The following EDEM2 variants were observed in gnomAD, a reference collection of about 807,000 sequenced individuals.
EDEM2 encodes the protein ER degradation enhancing alpha-mannosidase like protein 2.
Under a neutral mutation model 64.8 loss-of-function variants are expected in EDEM2, and 39 were observed. That is an observed-to-expected ratio of 0.60 (90% CI 0.47 to 0.79). EDEM2 has a LOEUF of 0.79. Ranked by LOEUF, EDEM2 falls within the 30% of genes least tolerant of loss-of-function variation. The probability of loss-of-function intolerance (pLI) is 0.00; values close to 1 mark genes in which losing one functional copy is unlikely to be tolerated. For missense variants in EDEM2, 609 were observed against 731.3 expected (o/e 0.83, Z 1.93); for synonymous variants, 296 against 291.5 (o/e 1.02, Z -0.16).
chr20:35,135,968 G>A (rs992726859), intron 5 of EDEM2, among the ~76,000 whole-genome samples: 4 of 152,152 alleles, frequency 2.6e-5, no homozygotes, highest in African/African-American at 4.8e-5. Flanking sequence ...GGTTCAAGAC[G>A]AGAACTGGAC....
chr20:35,121,382 C>T (rs1454272269), intron 9 of EDEM2, among the ~76,000 whole-genome samples: 5 of 152,158 alleles, frequency 3.3e-5, no homozygotes, highest in Admixed American at 3.3e-4. Flanking sequence ...ACGTCTAATG[C>T]CACCACGGAT....
At chr20:35,143,689 G>T (rs2085688886) in intron 3 of EDEM2, among the ~76,000 whole-genome samples, 1 of 152,152 alleles carries the variant, frequency 6.6e-6, no homozygotes, top group Non-Finnish European at 1.5e-5. Context: ...CATCCCTCTA[G>T]CTGTGGAGTG....
At chr20:35,126,459 C>G in intron 7 of EDEM2, 84 bp from the exon 8 acceptor site, 1 of 1,522,894 alleles carries the variant, frequency 6.6e-7, no homozygotes, top group Non-Finnish European at 8.9e-7. Context: ...CGAGAACTTA[C>G]ACTTTGGAAA....
In EDEM2 at chr20:35,147,142, C is replaced by T; in HGVS notation, c.107+10G>A. 1 of 1,598,768 alleles carries T rather than the reference C, an allele frequency of 6.3e-7. No individual in the cohort carries two copies. The highest frequency in any genetic ancestry group is 8.5e-7 in the Non-Finnish European group (1 of 1,170,466). On this transcript the variant is annotated intron_variant, in intron 1 of 10. Coordinates refer to ENST00000374492, the MANE Select transcript of EDEM2 (RefSeq NM_018217.3). ...ATTCCCCAACTGCGAAAGGGCGGGT[C>T]ACAGTTCACCTGTAGTGGGCGGGAT...
chr20:35,121,175 T>C (rs1402552038), intron 9 of EDEM2, among the ~76,000 whole-genome samples: 1 of 152,186 alleles, frequency 6.6e-6, no homozygotes. Context: ...TACATTGTAA[T>C]ATATAATGAA....
chr20:35,131,520 T>G, intron 7 of EDEM2, 122 bp downstream of exon 7: 1 of 1,227,782 alleles, frequency 8.1e-7, no homozygotes, highest in Non-Finnish European at 1.1e-6. Flanking sequence ...GAGCCTAGAT[T>G]GTGCCACTGC....
chr20:35,135,982 C>T (rs2085570816), intron 5 of EDEM2, among the ~76,000 whole-genome samples: 1 of 152,176 alleles, frequency 6.6e-6, no homozygotes, highest in South Asian at 2.1e-4. Context: ...ACTGGACAAC[C>T]AGCCAGAGGC....
At chr20:35,135,065 G>A in intron 5 of EDEM2, 116 bp from the exon 6 acceptor site, 1 of 1,011,908 alleles carries the variant, frequency 9.9e-7, no homozygotes. Context: ...TGGGTATCCT[G>A]CTAGAGTCTG....
intron 2 of EDEM2, among the ~76,000 whole-genome samples, chr20:35,146,019 AAAAAAG>A (rs2085726424): frequency 6.6e-6 from 1 of 151,882 alleles, no homozygotes; most frequent in Non-Finnish European, 1.5e-5. Context: ...AAAAAAAAAA[AAAAAAG>A]AGTGTATTTT....
At position 35,115,906 on chromosome 20, in the gene EDEM2, C is replaced by A. The variant is rs372791195; in HGVS notation, c.1264G>T (p.Asp422Tyr). Residue 422 changes from aspartate to tyrosine, a missense_variant, in exon 11 of 11, where the codon GAC becomes TAC. Transcript: ENST00000374492. ...AGGAAGAACGACTCCATGCGGTTGTCCAGCTTGTGGTCTCGCAGATCTTTG... is the reference window on the plus strand; with the variant it reads ...AGGAAGAACGACTCCATGCGGTTGTACAGCTTGTGGTCTCGCAGATCTTTG... ...TIKDLRDHKL[D>Y]NRMESFFLAE... 6.0e-5 allele frequency: 97 copies of A among 1,613,942 alleles called. No homozygotes were observed. The highest frequency in any genetic ancestry group is 1.4e-5 in the Non-Finnish European group (16 of 1,179,972).
chr20:35,118,597 C>A lies in EDEM2; in HGVS notation c.1236+1G>T, dbSNP rs1307302300. Reference sequence around the variant, plus strand: ...GTTCTTGGGGCCATGCAAACACTTACTGTTGCAAATCCGCACTCCACCTTG... The same window carrying A: ...GTTCTTGGGGCCATGCAAACACTTAATGTTGCAAATCCGCACTCCACCTTG... On this transcript the variant is annotated splice_donor_variant, in intron 10 of 10. Transcript: ENST00000374492. LOFTEE classifies it high-confidence loss of function. 23 of 1,613,942 alleles carry A rather than the reference C, an allele frequency of 1.4e-5. No individual in the cohort carries two copies. Among genetic ancestry groups the A allele is most frequent in the Non-Finnish European group, 1.9e-5 (23 of 1,179,922 alleles).
At chr20:35,120,067 G>A (rs182186524) in intron 9 of EDEM2, among the ~76,000 whole-genome samples, 19 of 152,028 alleles carry the variant, frequency 1.2e-4, no homozygotes, top group Admixed American at 7.9e-4. Flanking sequence ...ATTTTATTCC[G>A]TTAATTACTT....
chr20:35,129,947 T>C (rs1339454075), intron 7 of EDEM2, among the ~76,000 whole-genome samples: 3 of 152,206 alleles, frequency 2.0e-5, no homozygotes, highest in Non-Finnish European at 4.4e-5. Context: ...CCTATGATGT[T>C]TGCACAATGA....
intron 4 of EDEM2, 114 bp from the exon 5 acceptor site, chr20:35,138,119 C>T: frequency 7.3e-7 from 1 of 1,376,218 alleles, no homozygotes; most frequent in Non-Finnish European, 9.8e-7. Flanking sequence ...CGCATGTTCT[C>T]AGGACCTCCT....
chr20:35,147,061 G>C, intron 1 of EDEM2, 91 bp downstream of exon 1: 1 of 1,544,394 alleles, frequency 6.5e-7, no homozygotes, highest in Non-Finnish European at 8.8e-7. Context: ...GGCTGTGTCG[G>C]AGCAAGTCGG....
intron 3 of EDEM2, 129 bp downstream of exon 3, chr20:35,144,850 C>T: frequency 9.4e-7 from 1 of 1,066,544 alleles, no homozygotes; most frequent in Non-Finnish European, 1.4e-6. Context: ...CCGGACGCTT[C>T]AGAATCATGA....
chr20:35,146,402 G>A (rs1321186915), intron 2 of EDEM2, among the ~76,000 whole-genome samples: 1 of 152,152 alleles, frequency 6.6e-6, no homozygotes, highest in Non-Finnish European at 1.5e-5. Context: ...AAAATGGGGA[G>A]TGTATTTCAG....
At chr20:35,124,533 A>AT (rs914080312) in intron 8 of EDEM2, among the ~76,000 whole-genome samples, 1 of 151,622 alleles carries the variant, frequency 6.6e-6, no homozygotes, top group South Asian at 2.1e-4. Flanking sequence ...CCCAGTGCTA[A>AT]TTTTTTTATT....
At chr20:35,139,486 T>TA (rs778905806) in intron 4 of EDEM2, among the ~76,000 whole-genome samples, 4 of 150,122 alleles carry the variant, frequency 2.7e-5, no homozygotes, top group Non-Finnish European at 5.9e-5. Context: ...CTGTCTCTAT[T>TA]AAAAATACAA....
Sources: allele counts gnomAD v4.1 joint callset (sites outside exome capture counted in the v4.1 genomes callset), GRCh38; gene constraint gnomAD v4.1.1; transcripts MANE v1.5; gene names NCBI Gene and HGNC (gene_info 2026-07-23, HGNC 2026-07-21).